The following NCLN variants were observed in gnomAD, a reference collection of about 807,000 sequenced individuals.
The protein encoded by NCLN is nicalin, also known as BOS complex subunit NCLN.
NCLN carries 34 observed loss-of-function variants against 69.5 expected under a neutral mutation model. The observed-to-expected ratio is 0.49, with a 90% CI of 0.37 to 0.65. The LOEUF is 0.65. Among genes scored for constraint, NCLN ranks in the 30% least tolerant of loss-of-function variants. The probability of loss-of-function intolerance (pLI) is 0.00; values close to 1 mark genes in which losing one functional copy is unlikely to be tolerated. For synonymous variants in NCLN, 393 were observed against 358.3 expected, an observed-to-expected ratio of 1.10 and a Z score of -1.09; for missense variants, 710 against 804.8, an observed-to-expected ratio of 0.88 and a Z score of 1.42.
intron 4 of NCLN, among the ~76,000 whole-genome samples, chr19:3,198,059 C>T (rs1025565875): frequency 2.0e-5 from 3 of 152,202 alleles, no homozygotes; most frequent in Non-Finnish European, 2.9e-5. Flanking sequence ...AGTCTGCTGG[C>T]CCCCGGGCTA....
chr19:3,189,199 G>C (rs748629296), intron 1 of NCLN, among the ~76,000 whole-genome samples: 3 of 152,160 alleles, frequency 2.0e-5, no homozygotes, highest in Non-Finnish European at 4.4e-5. Context: ...AGGCTTTCTC[G>C]GCTCGGTGGC....
chr19:3,189,995 C>G (rs914555113), intron 1 of NCLN, among the ~76,000 whole-genome samples: 2 of 152,242 alleles, frequency 1.3e-5, no homozygotes, highest in Non-Finnish European at 2.9e-5. Context: ...TCCCTTCTCC[C>G]TCCTCGCTCA....
intron 3 of NCLN, 53 bp downstream of exon 3, chr19:3,193,481 TC>T: frequency 3.3e-6 from 5 of 1,528,206 alleles, no homozygotes; most frequent in Non-Finnish European, 4.4e-6. Context: ...TGGGGAGGCG[TC>T]CCCATCCCAA....
intron 8 of NCLN, among the ~76,000 whole-genome samples, 160 bp from the exon 9 acceptor site, chr19:3,204,413 G>A (rs555587053): frequency 1.3e-5 from 2 of 152,164 alleles, no homozygotes; most frequent in East Asian, 1.9e-4. Context: ...CTCATTGCCC[G>A]CCGGGGCTCC....
chr19:3,204,704 C>T lies in NCLN; in HGVS notation c.1161C>T (p.His387=). 6.3e-7 allele frequency: 1 copy of T among 1,594,978 alleles called. No homozygotes were observed. The highest frequency in any genetic ancestry group is 8.5e-7 in the Non-Finnish European group (1 of 1,170,186). ...GACTGCCCGCCTTCACGCTGTCCCA[C>T]CTGGAGAGCCACCGTGACGGCCAGC... ...IRRLPAFTLS[H]LESHRDGQRS... Residue 387 remains histidine, a synonymous_variant, in exon 9 of 15, where the codon CAC becomes CAT. Transcript: ENST00000246117.
chr19:3,204,338 A>C (rs566134055), intron 8 of NCLN, among the ~76,000 whole-genome samples, 194 bp downstream of exon 8: 2 of 151,672 alleles, frequency 1.3e-5, no homozygotes, highest in East Asian at 3.9e-4. Context: ...TGAGGGGCAC[A>C]CTGCGTCAGG....
At chr19:3,204,277 G>T in intron 8 of NCLN, 133 bp downstream of exon 8, 1 of 1,173,440 alleles carries the variant, frequency 8.5e-7, no homozygotes, top group East Asian at 2.8e-5. Flanking sequence ...TGTCGGGGTC[G>T]GGCTGGGGTG....
At chr19:3,188,824 C>G (rs1399086428) in intron 1 of NCLN, among the ~76,000 whole-genome samples, 3 of 152,254 alleles carry the variant, frequency 2.0e-5, no homozygotes, top group African/African-American at 7.2e-5. Flanking sequence ...GAAGCACAGT[C>G]CAGCTCTCGC....
chr19:3,191,108 G>A (rs1915812837), intron 1 of NCLN, among the ~76,000 whole-genome samples: 1 of 151,406 alleles, frequency 6.6e-6, no homozygotes, highest in Admixed American at 6.6e-5. Context: ...GTGCGTGGCG[G>A]GCAGCAGGGA....
chr19:3,204,970 G>A (rs8106110), intron 9 of NCLN, among the ~76,000 whole-genome samples: 62,897 of 152,074 alleles, frequency 0.41, 13,565 homozygotes, highest in Non-Finnish European at 0.47. Flanking sequence ...GCCTGAGGTC[G>A]TGGCCCCATA....
intron 5 of NCLN, 51 bp from the exon 6 acceptor site, chr19:3,201,472 T>C (rs769016777): frequency 1.6e-5 from 21 of 1,350,260 alleles, no homozygotes; most frequent in Non-Finnish European, 2.0e-5. Context: ...GGTCATGGGG[T>C]GCGGGAGCCG....
chr19:3,205,955 A>C lies in NCLN; in HGVS notation c.1225A>C (p.Lys409Gln). The change falls in exon 10 of 15, where the codon AAG becomes CAG. Residue 409 changes from lysine (K) to glutamine (Q), a missense_variant. Lys to Gln is a moderately conservative substitution (Grantham distance 53, BLOSUM62 1). Coordinates refer to ENST00000246117, the MANE Select transcript of NCLN (RefSeq NM_020170.4). This position sits in a 1 kb window ranked among gnomAD's most constrained non-coding sequence, Gnocchi z 4.6. ...IMDVRSRVDS[K>Q]TLTRNTRIIA... is the part of the protein sequence containing the mutation. The stretch of plus-strand genomic sequence containing the variant: ...ATCGTGAAGGTCCCGGGTGGATTCT[A>C]AGACCCTGACCCGTAACACGAGGAT... 2 of 1,613,758 alleles carry C rather than the reference A, an allele frequency of 1.2e-6. No homozygotes were observed. The highest frequency in any genetic ancestry group is 1.7e-6 in the Non-Finnish European group (2 of 1,179,976).
chr19:3,203,957 G>A (rs1243109766), intron 7 of NCLN, 48 bp from the exon 8 acceptor site: 3 of 1,544,152 alleles, frequency 1.9e-6, no homozygotes, highest in African/African-American at 2.7e-5. Flanking sequence ...AGGGCCGGGG[G>A]CCACTTCCTG....
intron 4 of NCLN, among the ~76,000 whole-genome samples, chr19:3,196,529 T>C (rs984445249): frequency 6.6e-6 from 1 of 151,794 alleles, no homozygotes; most frequent in Admixed American, 6.6e-5. Flanking sequence ...CTTCCTTCCA[T>C]CATGGACCCC....
Position 3,207,486 on chromosome 19 carries a change from C to T in NCLN, c.1632+17C>T. ...GCTGTCCAGGTGAGCAGTGCCCAGG[C>T]TCAGGTGGGGCAGGGGCCGCCCGCC... is the stretch of plus-strand genomic sequence containing the variant. On this transcript the variant is annotated intron_variant, in intron 14 of 14. Coordinates refer to ENST00000246117, the MANE Select transcript of NCLN (RefSeq NM_020170.4). The T allele has an allele frequency of 6.2e-7, 1 of 1,612,342 alleles. No individual in the cohort carries two copies.
chr19:3,203,902 G>A lies in NCLN; in HGVS notation c.889+58G>A, dbSNP rs751787615. On this transcript the variant is annotated intron_variant, in intron 7 of 14. Transcript: ENST00000246117. The stretch of plus-strand genomic sequence containing the variant: ...CGGTGGTGGTGCCGTGGGGAGGCAC[G>A]GAGGCCCAGGGGTTGCCATGGGGGC... 2.6e-5 allele frequency: 42 copies of A among 1,586,800 alleles called. No homozygotes were observed. The Admixed American group carries it at 4.7e-4, about 18-fold the overall frequency.
chr19:3,186,469 C>T (rs1915672688), intron 1 of NCLN, among the ~76,000 whole-genome samples: 1 of 152,184 alleles, frequency 6.6e-6, no homozygotes, highest in African/African-American at 2.4e-5. Context: ...TGCCCCGGAA[C>T]CCATGGCCGG....
chr19:3,195,573 GA>G (rs1394205625), intron 3 of NCLN, among the ~76,000 whole-genome samples: 1 of 152,086 alleles, frequency 6.6e-6, no homozygotes, highest in Non-Finnish European at 1.5e-5. Flanking sequence ...TACCTATGAT[GA>G]TTGTGTTTTC....
rs575270814 is a variant in NCLN, at chr19:3,205,485, G to A, written c.1209-454G>A. Reference sequence around the variant, plus strand: ...CAGTCCTGGAAAGGATGGAGGTGGCGGTCGCCCACCAGCCAGGAAAGATTG... The same window carrying A: ...CAGTCCTGGAAAGGATGGAGGTGGCAGTCGCCCACCAGCCAGGAAAGATTG... On this transcript the variant is annotated intron_variant, in intron 9 of 14. Coordinates refer to ENST00000246117, the MANE Select transcript of NCLN (RefSeq NM_020170.4). This position sits in a 1 kb window ranked among gnomAD's most constrained non-coding sequence, Gnocchi z 4.6. 3.4e-3 allele frequency among the ~76,000 whole-genome samples: 512 copies of A among 152,292 alleles called. 3 individuals carry two copies. Among genetic ancestry groups the A allele is most frequent in the Admixed American group, 7.9e-3 (121 of 15,298 alleles).
Sources: allele counts gnomAD v4.1 joint callset (sites outside exome capture counted in the v4.1 genomes callset), GRCh38; gene constraint gnomAD v4.1.1; non-coding constraint Gnocchi (gnomAD v3.1); transcripts MANE v1.5; gene names NCBI Gene and HGNC (gene_info 2026-07-23, HGNC 2026-07-21).